The following ZDHHC11B variants were observed in gnomAD, a reference collection of about 807,000 sequenced individuals.
The protein encoded by ZDHHC11B is zDHHC palmitoyltransferase 11B (putative), also known as probable palmitoyltransferase ZDHHC11B.
Under a neutral mutation model 42.3 loss-of-function variants are expected in ZDHHC11B, and 17 were observed. That is an observed-to-expected ratio of 0.40 (90% CI 0.27 to 0.60). The LOEUF is 0.60. ZDHHC11B is among the 20% of genes least tolerant of loss of function. The pLI is 0.41. For missense variants in ZDHHC11B, 262 were observed against 463.2 expected (o/e 0.57, Z 3.99); for synonymous variants, 123 against 193.5 (o/e 0.64, Z 3.02).
rs1289109492 is a variant in ZDHHC11B, at chr5:711,165, G to A, written c.*1125C>T. 7.8e-5 allele frequency: 7 copies of A among 89,794 alleles called. No individual in the cohort carries two copies. The highest frequency in any genetic ancestry group is 5.8e-4 in the Middle Eastern group (1 of 1,716). The allele number at this position is 89,794 out of a possible 1,614,324, so 5.6% of individuals were successfully genotyped here. On this transcript the variant is annotated 3_prime_UTR_variant, in exon 14 of 14. Transcript: ENST00000508859. ...CTCCCCTTTCCCAGTACTGTGCTCC[G>A]CTTTCCCAGTACTATGCTCCCATTT...
chr5:728,999 A>T (rs365506), intron 12 of ZDHHC11B, among the ~76,000 whole-genome samples: 47,455 of 139,100 alleles, frequency 0.34, 4,610 homozygotes, highest in Middle Eastern at 0.41. Flanking sequence ...GGTGACAGAG[A>T]AAGACCCTGT....
rs1396323145 is a variant in ZDHHC11B at position 750,624 on chromosome 5, G to A, written c.628+509C>T. Among the ~76,000 whole-genome samples, 1,211 of 127,574 alleles carry A rather than the reference G, an allele frequency of 9.5e-3. 47 individuals carry two copies. Among genetic ancestry groups the A allele is most frequent in the African/African-American group, 0.03 (1,149 of 37,946 alleles). The allele number at this position is 127,574 out of a possible 152,430, so 83.7% of individuals were successfully genotyped here. On this transcript the variant is annotated intron_variant, in intron 7 of 13. Transcript: ENST00000508859. ...TGGAGCCCACAGTCCTCACCGCCAC[G>A]TCTCTCCAGTGGCTCAGTGTGAGCA...
At chr5:743,025 T>C (rs1744341945) in intron 9 of ZDHHC11B, among the ~76,000 whole-genome samples, 1 of 149,976 alleles carries the variant, frequency 6.7e-6, no homozygotes, top group Non-Finnish European at 1.5e-5. Flanking sequence ...AATGAAGTGA[T>C]CCTGGGTAAT....
chr5:773,543 T>G (rs142424086), intron 1 of ZDHHC11B, among the ~76,000 whole-genome samples: 524 of 151,856 alleles, frequency 3.5e-3, no homozygotes, highest in Non-Finnish European at 6.2e-3. Context: ...CTCCCAGGCC[T>G]GTGCCCACCA....
At chr5:721,704 G>A (rs1167149709) in intron 12 of ZDHHC11B, among the ~76,000 whole-genome samples, 2 of 151,758 alleles carry the variant, frequency 1.3e-5, no homozygotes, top group African/African-American at 2.4e-5. Context: ...GACACCAGAG[G>A]TGTGGCAGGT....
chr5:752,649 C>A (rs1745928926), intron 6 of ZDHHC11B, among the ~76,000 whole-genome samples: 1 of 97,934 alleles, frequency 1.0e-5, no homozygotes, highest in Non-Finnish European at 2.4e-5. Context: ...CTTCCCCGCG[C>A]TCCTCCTCCC....
rs1208310873 is a variant in ZDHHC11B at position 749,091 on chromosome 5, C to G, written c.629-532G>C. Among the ~76,000 whole-genome samples, 2 of 125,172 alleles carry G rather than the reference C, an allele frequency of 1.6e-5. 1 individual carries two copies. The highest frequency in any genetic ancestry group is 3.5e-5 in the Non-Finnish European group (2 of 56,568). The allele number at this position is 125,172 out of a possible 152,430, so 82.1% of individuals were successfully genotyped here. On this transcript the variant is annotated intron_variant, in intron 7 of 13. Transcript: ENST00000508859. ...CCTTCCTCATTAAGTACCGAGGTCA[C>G]AGCACCCACCCCTTCCTCACTAAGT...
chr5:744,716 C>CA (rs1744550438), intron 9 of ZDHHC11B, among the ~76,000 whole-genome samples: 1 of 148,036 alleles, frequency 6.8e-6, no homozygotes. Flanking sequence ...ACTAAAAATA[C>CA]AAAAATTAGT....
chr5:775,239 G>A (rs1437170791), intron 1 of ZDHHC11B, among the ~76,000 whole-genome samples: 4 of 151,948 alleles, frequency 2.6e-5, no homozygotes, highest in African/African-American at 9.7e-5. Flanking sequence ...CTGCTCTGGA[G>A]AAGCCACCAG....
At chr5:733,492 C>A (rs1743216663) in intron 11 of ZDHHC11B, among the ~76,000 whole-genome samples, 1 of 151,718 alleles carries the variant, frequency 6.6e-6, no homozygotes, top group Admixed American at 6.6e-5. Context: ...ATCACCGCAG[C>A]TTCTTGGTGG....
chr5:776,889 C>G (rs1194447437), intron 1 of ZDHHC11B, among the ~76,000 whole-genome samples: 5 of 151,908 alleles, frequency 3.3e-5, no homozygotes, highest in Non-Finnish European at 4.4e-5. Flanking sequence ...ATCGCACGGC[C>G]CTCCTGCTCC....
chr5:777,561 G>C (rs183550097), intron 1 of ZDHHC11B, among the ~76,000 whole-genome samples: 2 of 151,952 alleles, frequency 1.3e-5, no homozygotes, highest in Admixed American at 6.6e-5. Flanking sequence ...GCGGCAGGGC[G>C]TTCCGGCTAC....
rs372203632 is a variant in ZDHHC11B, at chr5:733,770, G to A, written c.1005C>T (p.Asp335=). Residue 335 remains aspartate (D), a synonymous_variant, in exon 11 of 14, where the codon GAC becomes GAT. Coordinates refer to ENST00000508859, the MANE Select transcript of ZDHHC11B (RefSeq NM_001351303.2). ...PCHFCTSVNQ[D]GDSKAQEADD... is the part of the protein sequence containing the mutation. ...AACTTACCTGTGCCTTCGAATCCCCGTCCTGGTTTACTGAAGTGCAGAAGT... is the reference window on the plus strand; with the variant it reads ...AACTTACCTGTGCCTTCGAATCCCCATCCTGGTTTACTGAAGTGCAGAAGT... 2.5e-4 allele frequency: 397 copies of A among 1,610,660 alleles called. No individual in the cohort carries two copies. The South Asian group carries it at 3.4e-3, about 14-fold the overall frequency.
Position 772,017 on chromosome 5 carries a change from G to A in ZDHHC11B, c.-229-3087C>T, listed in dbSNP as rs1381742157. Among the ~76,000 whole-genome samples the A allele has an allele frequency of 2.0e-5, 3 of 151,956 alleles. No homozygotes were observed. The East Asian group carries it at 5.8e-4, about 29-fold the overall frequency. ...TTTGATAAGCTTGGAGGTTGGCCTTGGAGGGCTGAGCGGGACATAAAACGT... is the reference window on the plus strand; with the variant it reads ...TTTGATAAGCTTGGAGGTTGGCCTTAGAGGGCTGAGCGGGACATAAAACGT... On this transcript the variant is annotated intron_variant, in intron 1 of 13. Transcript: ENST00000508859.
At chr5:776,814 C>T (rs1434008329) in intron 1 of ZDHHC11B, among the ~76,000 whole-genome samples, 1 of 151,728 alleles carries the variant, frequency 6.6e-6, no homozygotes, top group African/African-American at 2.4e-5. Context: ...GGTCCCATTC[C>T]TTATTTCAGA....
At chr5:766,511 C>A (rs1450467634) in intron 4 of ZDHHC11B, among the ~76,000 whole-genome samples, 187 bp downstream of exon 4, 5 of 151,820 alleles carry the variant, frequency 3.3e-5, no homozygotes, top group African/African-American at 9.7e-5. Flanking sequence ...CTGTCCTGAC[C>A]CTGAGCAGGG....
intron 11 of ZDHHC11B, chr5:732,363 C>T (rs4956967): frequency 0.14 from 34,106 of 242,736 alleles, 2,675 homozygotes; most frequent in Non-Finnish European, 0.18. Context: ...GCAGAGACAC[C>T]GAGGGGACTC....
At chr5:775,796 C>G (rs1295502411) in intron 1 of ZDHHC11B, among the ~76,000 whole-genome samples, 1 of 151,674 alleles carries the variant, frequency 6.6e-6, no homozygotes, top group African/African-American at 2.4e-5. Flanking sequence ...TCCTTCCATG[C>G]CCTCGGGGCA....
intron 3 of ZDHHC11B, 137 bp from the exon 4 acceptor site, chr5:767,056 G>T: frequency 8.8e-7 from 1 of 1,134,472 alleles, no homozygotes; most frequent in East Asian, 2.4e-5. Context: ...AGCATTGCCT[G>T]GGGCCACGTT....
Sources: allele counts gnomAD v4.1 joint callset (sites outside exome capture counted in the v4.1 genomes callset), GRCh38; gene constraint gnomAD v4.1.1; transcripts MANE v1.5; gene names NCBI Gene and HGNC (gene_info 2026-07-23, HGNC 2026-07-21).